Variants in MCTP1 observed in about 807,000 individuals in gnomAD.
MCTP1 encodes the protein multiple C2 and transmembrane domain containing 1, also known as multiple C2 and transmembrane domain-containing protein 1.
A neutral mutation model predicts 120.6 loss-of-function variants in MCTP1; 69 were observed. That is an observed-to-expected ratio of 0.57 (90% CI 0.47 to 0.70). The LOEUF (loss-of-function observed/expected upper bound fraction) is 0.70, where lower values mean the gene tolerates loss of function less well. MCTP1 is among the 30% of genes least tolerant of loss of function. MCTP1 has a pLI of 0.00. For missense variants in MCTP1, 1,203 were observed against 1,248.8 expected (o/e 0.96, Z 0.55); for synonymous variants, 529 against 493.1 (o/e 1.07, Z -0.96).
At chr5:95,122,491 A>G (rs527246940) in intron 1 of MCTP1, among the ~76,000 whole-genome samples, 34 of 152,334 alleles carry the variant, frequency 2.2e-4, no homozygotes, top group African/African-American at 7.9e-4. Context: ...TCCAAAAGAC[A>G]GGCAATAACA....
At chr5:94,980,782 C>G (rs1829226299) in intron 2 of MCTP1, 1 of 151,898 alleles carries the variant, frequency 6.6e-6, no homozygotes, top group South Asian at 2.1e-4. Context: ...GGTATGCTTC[C>G]ACAGATGAGC....
intron 1 of MCTP1, among the ~76,000 whole-genome samples, chr5:95,061,408 G>GTTTTTTTTTTTTTTTTTTTTTTTTTT (rs556663513): frequency 6.0e-5 from 2 of 33,488 alleles, no homozygotes; most frequent in African/African-American, 2.0e-4. Context: ...CCCCTTAAGG[G>GTTTTTTTTTTTTTTTTTTTTTTTTTT]TTTTTTTTTT....
At chr5:94,819,534 T>C (rs139805735) in intron 17 of MCTP1, among the ~76,000 whole-genome samples, 6 of 152,316 alleles carry the variant, frequency 3.9e-5, no homozygotes, top group Non-Finnish European at 7.3e-5. Context: ...ATTCATAGAT[T>C]TCCTGCCTTC....
intron 1 of MCTP1, among the ~76,000 whole-genome samples, chr5:95,247,566 G>A (rs1756941465): frequency 6.6e-6 from 1 of 152,076 alleles, no homozygotes; most frequent in Admixed American, 6.6e-5. Flanking sequence ...CTTTAAATGG[G>A]TCCCAGAGAT....
At chr5:94,773,105 A>T (rs1208731708) in intron 19 of MCTP1, among the ~76,000 whole-genome samples, 1 of 152,208 alleles carries the variant, frequency 6.6e-6, no homozygotes, top group Non-Finnish European at 1.5e-5. Context: ...TTCACAAAGG[A>T]GAAATGGATC....
intron 20 of MCTP1, among the ~76,000 whole-genome samples, chr5:94,714,335 T>C (rs2152557308): frequency 6.6e-6 from 1 of 152,244 alleles, no homozygotes; most frequent in East Asian, 1.9e-4. Flanking sequence ...CAGGGTACCA[T>C]AAATATGATT....
chr5:94,896,288 T>C (rs1433790609), intron 10 of MCTP1, among the ~76,000 whole-genome samples: 2 of 152,308 alleles, frequency 1.3e-5, no homozygotes, highest in East Asian at 3.9e-4. Context: ...GCCCATAGTT[T>C]GTTGAATGCA....
At chr5:95,163,402 C>T (rs531256872) in intron 1 of MCTP1, among the ~76,000 whole-genome samples, 5 of 152,292 alleles carry the variant, frequency 3.3e-5, no homozygotes, top group African/African-American at 1.2e-4. Context: ...ATTAGCTTGA[C>T]ATTAAAAATT....
intron 17 of MCTP1, among the ~76,000 whole-genome samples, chr5:94,834,297 C>G (rs1189318943): frequency 2.6e-5 from 4 of 152,192 alleles, no homozygotes; most frequent in Admixed American, 2.6e-4. Context: ...TAGTTAACCA[C>G]TTTTGGTGGG....
At chr5:95,118,994 CAA>C (rs1311748082) in intron 1 of MCTP1, among the ~76,000 whole-genome samples, 1 of 152,160 alleles carries the variant, frequency 6.6e-6, no homozygotes, top group African/African-American at 2.4e-5. Flanking sequence ...AGAAAATCAA[CAA>C]AGACACATTA....
At chr5:94,727,641 G>A (rs555558346) in intron 19 of MCTP1, among the ~76,000 whole-genome samples, 1 of 152,278 alleles carries the variant, frequency 6.6e-6, no homozygotes, top group Non-Finnish European at 1.5e-5. Flanking sequence ...TGGGGATAGG[G>A]AACAGTCTTA....
intron 1 of MCTP1, among the ~76,000 whole-genome samples, chr5:95,211,822 T>G (rs1351146137): frequency 6.6e-6 from 1 of 152,216 alleles, no homozygotes; most frequent in Non-Finnish European, 1.5e-5. Flanking sequence ...ACTTTTGGTC[T>G]TTGATGATGG....
chr5:94,952,169 CGCAAAAA>C (rs1561912667), intron 3 of MCTP1, among the ~76,000 whole-genome samples: 1 of 18,878 alleles, frequency 5.3e-5, no homozygotes, highest in African/African-American at 4.7e-4. Context: ...GAGACTTTGT[CGCAAAAA>C]AAAAAAAAAA....
intron 2 of MCTP1, among the ~76,000 whole-genome samples, chr5:94,999,711 T>C (rs1393274924): frequency 6.6e-6 from 1 of 152,228 alleles, no homozygotes; most frequent in East Asian, 1.9e-4. Flanking sequence ...AGGTGTGATA[T>C]GACTCTATTT....
intron 1 of MCTP1, among the ~76,000 whole-genome samples, chr5:95,160,441 C>T (rs1224519044): frequency 1.3e-5 from 2 of 152,088 alleles, no homozygotes; most frequent in Non-Finnish European, 2.9e-5. Context: ...GAACATTTGC[C>T]ATGTTCTAGG....
At chr5:95,112,163 C>A (rs1350339826) in intron 1 of MCTP1, among the ~76,000 whole-genome samples, 1 of 152,124 alleles carries the variant, frequency 6.6e-6, no homozygotes, top group East Asian at 1.9e-4. Context: ...CACTTCTGTA[C>A]CTTGTATAAC....
At chr5:94,712,392 A>T (rs1000288137) in intron 20 of MCTP1, among the ~76,000 whole-genome samples, 1 of 148,908 alleles carries the variant, frequency 6.7e-6, no homozygotes, top group Non-Finnish European at 1.5e-5. Flanking sequence ...ATTTCCTGGT[A>T]TTGTATATTG....
At chr5:95,086,602 A>T (rs1755458938) in intron 1 of MCTP1, among the ~76,000 whole-genome samples, 1 of 152,230 alleles carries the variant, frequency 6.6e-6, no homozygotes, top group Admixed American at 6.5e-5. Context: ...CTATCTTCTC[A>T]AGTCAATCTA....
chr5:95,165,991 C>T (rs1395472014), intron 1 of MCTP1: 1 of 152,176 alleles, frequency 6.6e-6, no homozygotes, highest in South Asian at 2.1e-4. Flanking sequence ...CCCCCCATTA[C>T]CATATTTCTC....
Sources: gnomAD v4.1 joint callset for allele counts (sites outside exome capture counted in the v4.1 genomes callset) on GRCh38, gnomAD v4.1.1 for gene constraint, MANE v1.5 for transcripts, NCBI Gene and HGNC (gene_info 2026-07-23, HGNC 2026-07-21) for gene names.